PAG1: variants seen among roughly 807,000 people sequenced by gnomAD.
PAG1 encodes phosphoprotein associated with glycosphingolipid-enriched microdomains 1.
Under a neutral mutation model 31.7 loss-of-function variants are expected in PAG1, and 23 were observed. That is an observed-to-expected ratio of 0.73 (90% CI 0.52 to 1.03). PAG1 has a LOEUF of 1.03. PAG1 is among the 50% of genes least tolerant of loss of function. The probability of loss-of-function intolerance (pLI) is 0.00; values close to 1 mark genes in which losing one functional copy is unlikely to be tolerated. For missense variants in PAG1, 473 were observed against 540.7 expected (o/e 0.87, Z 1.24); for synonymous variants, 214 against 210.3 (o/e 1.02, Z -0.15).
At chr8:80,986,399 C>T (rs1807422970) in intron 6 of PAG1, among the ~76,000 whole-genome samples, 3 of 152,102 alleles carry the variant, frequency 2.0e-5, no homozygotes, top group Admixed American at 1.3e-4. Context: ...TAACAGGACG[C>T]CCTCTTACCT....
intron 1 of PAG1, among the ~76,000 whole-genome samples, chr8:81,108,927 T>C (rs1363410130): frequency 2.6e-5 from 4 of 152,220 alleles, no homozygotes; most frequent in Non-Finnish European, 5.9e-5. Context: ...CAGCTGGGAC[T>C]GAATGCATAT....
At chr8:81,044,351 A>C (rs992993494) in intron 2 of PAG1, among the ~76,000 whole-genome samples, 4 of 152,212 alleles carry the variant, frequency 2.6e-5, no homozygotes, top group Admixed American at 2.0e-4. Flanking sequence ...TTGGATACAG[A>C]AACAGATGTG....
chr8:81,023,621 A>G (rs112111359), intron 3 of PAG1, among the ~76,000 whole-genome samples: 1,578 of 152,098 alleles, frequency 0.01, 27 homozygotes, highest in African/African-American at 0.036. Context: ...AAGAGAGAGA[A>G]AAAAAGGGAG....
rs963327198 is a variant in PAG1 at position 80,990,364 on chromosome 8, A to T, written c.177+1115T>A. Among the ~76,000 whole-genome samples, 5 of 152,036 alleles carry T rather than the reference A, an allele frequency of 3.3e-5. No individual in the cohort carries two copies. Among genetic ancestry groups the T allele is most frequent in the African/African-American group, 1.2e-4 (5 of 41,378 alleles). ...GGAGATGCCCCTGGTCATCTCTGCA[A>T]ACGTCTGCTGGCTGCGGGTTTTACG... On this transcript the variant is annotated intron_variant, in intron 5 of 8. Transcript: ENST00000220597. This position sits in a 1 kb window ranked among gnomAD's most constrained non-coding sequence, Gnocchi z 5.1.
At chr8:81,036,330 A>C (rs558014215) in intron 2 of PAG1, among the ~76,000 whole-genome samples, 1 of 152,350 alleles carries the variant, frequency 6.6e-6, no homozygotes, top group South Asian at 2.1e-4. Flanking sequence ...CCAGCTAATT[A>C]CACACATTCC....
intron 3 of PAG1, among the ~76,000 whole-genome samples, chr8:80,996,541 CCTCCTGCTCACA>C (rs1219212246): frequency 1.3e-5 from 2 of 152,204 alleles, no homozygotes; most frequent in African/African-American, 4.8e-5. Context: ...TCCCGCTCAC[CCTCCTGCTCACA>C]GGTCTAGATG....
intron 2 of PAG1, among the ~76,000 whole-genome samples, chr8:81,066,260 G>A (rs2130947477): frequency 6.6e-6 from 1 of 152,360 alleles, no homozygotes; most frequent in Admixed American, 6.5e-5. Context: ...AAGTAGCATA[G>A]AAAACAGAGG....
At chr8:80,987,294 G>T in intron 6 of PAG1, 76 bp downstream of exon 6, 1 of 900,222 alleles carries the variant, frequency 1.1e-6, no homozygotes, top group Non-Finnish European at 1.8e-6. Context: ...TACTTTTTGA[G>T]CTATGTATTT....
chr8:81,033,429 T>C (rs1157746976), intron 2 of PAG1, among the ~76,000 whole-genome samples: 1 of 152,194 alleles, frequency 6.6e-6, no homozygotes, highest in Non-Finnish European at 1.5e-5. Flanking sequence ...GGTATAGAGA[T>C]AATAAGGTTA....
At chr8:81,080,627 G>A (rs11994954) in intron 1 of PAG1, among the ~76,000 whole-genome samples, 10,137 of 152,222 alleles carry the variant, frequency 0.067, 1,148 homozygotes, top group African/African-American at 0.23. Flanking sequence ...GAGAATTTGA[G>A]AATGTACACC....
rs189244372 is a variant in PAG1, at chr8:81,082,103, A to G, written c.-233-11933T>C. Among the ~76,000 whole-genome samples the G allele has an allele frequency of 9.9e-4, 151 of 151,914 alleles. 2 individuals carry two copies. The highest frequency in any genetic ancestry group is 3.5e-3 in the African/African-American group (146 of 41,442). ...CCCCATCTCTACTAAAAATACAAAA[A>G]TCAGCCAGGCATGGTGGCACACACC... On this transcript the variant is annotated intron_variant, in intron 1 of 8. Transcript: ENST00000220597.
intron 2 of PAG1, among the ~76,000 whole-genome samples, chr8:81,043,840 C>T (rs1586184407): frequency 1.3e-5 from 2 of 152,198 alleles, no homozygotes; most frequent in South Asian, 4.1e-4. Flanking sequence ...CTTTGTTCTT[C>T]TGGATTTCAC....
At chr8:81,008,304 A>C (rs1484610784) in intron 3 of PAG1, among the ~76,000 whole-genome samples, 2 of 152,112 alleles carry the variant, frequency 1.3e-5, no homozygotes, top group Non-Finnish European at 2.9e-5. Context: ...GTGTTTCAGG[A>C]ATAAACAAAC....
At chr8:80,986,057 T>C (rs539699494) in intron 6 of PAG1, among the ~76,000 whole-genome samples, 2 of 152,354 alleles carry the variant, frequency 1.3e-5, no homozygotes, top group East Asian at 1.9e-4. Context: ...GTGCCTGCCA[T>C]GCACCAGGGA....
At chr8:81,005,295 T>C (rs1040573079) in intron 3 of PAG1, among the ~76,000 whole-genome samples, 1 of 152,190 alleles carries the variant, frequency 6.6e-6, no homozygotes, top group Non-Finnish European at 1.5e-5. Context: ...GAATGGCATA[T>C]ATATGTATGT....
intron 5 of PAG1, 134 bp from the exon 6 acceptor site, chr8:80,987,600 G>A: frequency 1.6e-6 from 1 of 629,066 alleles, no homozygotes; most frequent in South Asian, 1.8e-5. Context: ...TCCTATAATA[G>A]TCCCCCCTTA....
At chr8:81,057,412 C>T (rs1381647435) in intron 2 of PAG1, among the ~76,000 whole-genome samples, 3 of 152,020 alleles carry the variant, frequency 2.0e-5, no homozygotes, top group Non-Finnish European at 4.4e-5. Context: ...GAGTTCATGT[C>T]CTTCATAGGG....
chr8:81,057,798 C>A (rs1808852047), intron 2 of PAG1, among the ~76,000 whole-genome samples: 1 of 152,114 alleles, frequency 6.6e-6, no homozygotes, highest in Non-Finnish European at 1.5e-5. Flanking sequence ...GTAAAATGTA[C>A]TAGAATATCA....
Position 80,980,473 on chromosome 8 carries a change from T to C in PAG1, c.898A>G (p.Lys300Glu). ...AGAGTGGGGTCTTCTTCCCGAGACT[T>C]GTATGACAATGAGCTAAATCTCTGT... ...TNKRFSSLSY[K>E]SREEDPTLTE... The change falls in exon 8 of 9, where the codon AAG becomes GAG. Residue 300 changes from lysine to glutamate, a missense_variant. Physicochemically the swap from Lys to Glu is moderately conservative, Grantham distance 56. Coordinates refer to ENST00000220597, the MANE Select transcript of PAG1 (RefSeq NM_018440.4). 1 of 1,606,448 alleles carries C rather than the reference T, an allele frequency of 6.2e-7. No homozygotes were observed. The highest frequency in any genetic ancestry group is 1.1e-5 in the South Asian group (1 of 90,920).
Sources: gnomAD v4.1 joint callset for allele counts (sites outside exome capture counted in the v4.1 genomes callset) on GRCh38, gnomAD v4.1.1 for gene constraint, Gnocchi (gnomAD v3.1) non-coding constraint, MANE v1.5 for transcripts, NCBI Gene and HGNC (gene_info 2026-07-23, HGNC 2026-07-21) for gene names.